Variants in IL12RB2 observed in about 807,000 individuals in gnomAD.
The protein encoded by IL12RB2 is interleukin-12 receptor subunit beta-2.
A neutral mutation model predicts 89.4 loss-of-function variants in IL12RB2; 82 were observed. The observed-to-expected ratio is 0.92, with a 90% CI of 0.77 to 1.10. IL12RB2 has a LOEUF of 1.10. IL12RB2 is among the 50% of genes least tolerant of loss of function. The pLI is 0.00. For missense variants in IL12RB2, 963 were observed against 1,031.9 expected (o/e 0.93, Z 0.92); for synonymous variants, 368 against 370.1 (o/e 0.99, Z 0.07).
intron 9 of IL12RB2, among the ~76,000 whole-genome samples, chr1:67,340,830 TA>T (rs1301012852): frequency 6.6e-6 from 1 of 152,238 alleles, no homozygotes; most frequent in Middle Eastern, 3.2e-3. Context: ...ATTTTATTTC[TA>T]TCTTCACAAG....
rs1569737694 is a variant in IL12RB2 at position 67,320,327 on chromosome 1, T to G, written c.-36-6T>G. ...TAACATGAATGAATTTGTCTTCTTTTGCAAGGAAGAATACGGAGTTCTATA... is the reference window on the plus strand; with the variant it reads ...TAACATGAATGAATTTGTCTTCTTTGGCAAGGAAGAATACGGAGTTCTATA... On this transcript the variant is annotated splice_region_variant and splice_polypyrimidine_tract_variant and intron_variant, in intron 2 of 16. Transcript: ENST00000674203. 2 of 1,613,728 alleles carry G rather than the reference T, an allele frequency of 1.2e-6. No individual in the cohort carries two copies. Among genetic ancestry groups the G allele is most frequent in the Non-Finnish European group, 8.5e-7 (1 of 1,179,788 alleles).
Position 67,328,287 on chromosome 1 carries a change from T to G in IL12RB2, c.567T>G (p.Pro189=). Residue 189 remains proline (P), a synonymous_variant, in exon 6 of 17, where the codon CCT becomes CCG. Transcript: ENST00000674203. ...TGGACTTTGGAATCAACCTCACCCC[T>G]GAATCACCTGAATCCAATTTCACAG... ...DYLDFGINLT[P]ESPESNFTAK... The G allele has an allele frequency of 6.2e-7, 1 of 1,614,138 alleles. No individual in the cohort carries two copies. The highest frequency in any genetic ancestry group is 8.5e-7 in the Non-Finnish European group (1 of 1,179,972).
At chr1:67,319,822 T>A (rs1656258759) in intron 2 of IL12RB2, among the ~76,000 whole-genome samples, 2 of 151,960 alleles carry the variant, frequency 1.3e-5, no homozygotes, top group Admixed American at 6.6e-5. Context: ...CTTTGGGAGG[T>A]GATTGGGTCA....
chr1:67,329,784 G>T, intron 7 of IL12RB2, 55 bp downstream of exon 7: 2 of 1,171,468 alleles, frequency 1.7e-6, no homozygotes, highest in Non-Finnish European at 2.6e-6. Context: ...ATATTGCTGC[G>T]CAGACCTCTG....
intron 2 of IL12RB2, among the ~76,000 whole-genome samples, chr1:67,315,536 G>A (rs779869319): frequency 5.9e-5 from 9 of 152,192 alleles, no homozygotes; most frequent in South Asian, 4.1e-4. Context: ...GAAAAACTCC[G>A]CTCCATCCTC....
chr1:67,349,777 C>A (rs1660624699), intron 9 of IL12RB2, among the ~76,000 whole-genome samples: 1 of 152,186 alleles, frequency 6.6e-6, no homozygotes, highest in South Asian at 2.1e-4. Flanking sequence ...TGGGGCCAAC[C>A]AGAAGGCTTG....
chr1:67,315,938 G>T (rs567468504), intron 2 of IL12RB2, among the ~76,000 whole-genome samples: 1 of 145,518 alleles, frequency 6.9e-6, no homozygotes, highest in East Asian at 2.0e-4. Context: ...TAGTCAATAT[G>T]TCAGAAGAGT....
At chr1:67,354,511 C>T (rs6679356) in intron 10 of IL12RB2, among the ~76,000 whole-genome samples, 114,730 of 152,006 alleles carry the variant, frequency 0.75, 44,673 homozygotes, top group East Asian at 0.95. Context: ...GCAGAGATCA[C>T]GTCAGGAGGG....
At position 67,379,509 on chromosome 1, in the gene IL12RB2, C is replaced by CAAA. The variant is rs58494224; in HGVS notation, c.1718-457_1718-455dup. 1.1e-3 allele frequency among the ~76,000 whole-genome samples: 77 copies of CAAA among 68,448 alleles called. 8 individuals are homozygous for CAAA. The highest frequency in any genetic ancestry group is 3.8e-3 in the East Asian group (8 of 2,128). The allele number at this position is 68,448 out of a possible 152,430, so 44.9% of individuals were successfully genotyped here. A position where few individuals can be genotyped will look rare whatever the true frequency, so the allele number is the denominator to read the frequency against. On this transcript the variant is annotated intron_variant, in intron 13 of 16. Transcript: ENST00000674203. Reference sequence around the variant, plus strand: ...TGGGCGACAGAGCAAGAACCTGTCTCAAAAAAAAAAAAAAAAAAAAAAGTT... The same window carrying CAAA: ...TGGGCGACAGAGCAAGAACCTGTCTCAAAAAAAAAAAAAAAAAAAAAAAAAGTT...
chr1:67,351,638 C>CAAAT (rs1569980837), intron 10 of IL12RB2, among the ~76,000 whole-genome samples: 1 of 152,084 alleles, frequency 6.6e-6, no homozygotes, highest in Non-Finnish European at 1.5e-5. Context: ...TCATCAAAAA[C>CAAAT]AAATAAATAA....
At chr1:67,395,418 GTGCCCAACA>G (rs1312564441) in intron 16 of IL12RB2, 120 bp from the exon 17 acceptor site, 60 of 1,570,502 alleles carry the variant, frequency 3.8e-5, no homozygotes, top group Non-Finnish European at 4.9e-5. Flanking sequence ...GCAAACTCCA[GTGCCCAACA>G]TGTTCCAGCC....
intron 8 of IL12RB2, among the ~76,000 whole-genome samples, chr1:67,332,698 T>G (rs1302781171): frequency 6.6e-6 from 1 of 152,210 alleles, no homozygotes; most frequent in East Asian, 1.9e-4. Context: ...AGATTTTGTT[T>G]ATATATGTGG....
At chr1:67,385,339 A>C (rs1665019009) in intron 14 of IL12RB2, among the ~76,000 whole-genome samples, 1 of 152,210 alleles carries the variant, frequency 6.6e-6, no homozygotes, top group South Asian at 2.1e-4. Flanking sequence ...AAACCATCAG[A>C]TTCTTGTGAG....
chr1:67,355,758 T>C lies in IL12RB2; in HGVS notation c.1258+4669T>C, dbSNP rs17129857. Among the ~76,000 whole-genome samples the C allele has an allele frequency of 2.7e-3, 404 of 152,270 alleles. 2 individuals are homozygous for C. Among genetic ancestry groups the C allele is most frequent in the African/African-American group, 9.4e-3 (391 of 41,546 alleles). ...AAAATGGAGATGGGAAGTTGAATGATTGAGGCTAAAGGAATAATTTTGAAA... is the reference window on the plus strand; with the variant it reads ...AAAATGGAGATGGGAAGTTGAATGACTGAGGCTAAAGGAATAATTTTGAAA... On this transcript the variant is annotated intron_variant, in intron 10 of 16. Transcript: ENST00000674203.
intron 1 of IL12RB2, among the ~76,000 whole-genome samples, chr1:67,312,182 G>A (rs1655151427): frequency 2.0e-5 from 3 of 152,146 alleles, no homozygotes; most frequent in African/African-American, 7.2e-5. Context: ...AACCAAGGAT[G>A]GTGCCCGGGG....
chr1:67,326,962 T>TATTTATTTATTTATTC, intron 5 of IL12RB2, 113 bp downstream of exon 5: 1 of 868,362 alleles, frequency 1.2e-6, no homozygotes, highest in Admixed American at 5.6e-5. Context: ...TTTATTTATT[T>TATTTATTTATTTATTC]ATTTATTTAT....
At position 67,365,612 on chromosome 1, in the gene IL12RB2, C is replaced by G. The variant is rs529461232; in HGVS notation, c.1259-2213C>G. 2.6e-5 allele frequency among the ~76,000 whole-genome samples: 4 copies of G among 152,060 alleles called. No individual in the cohort carries two copies. In the East Asian group the frequency reaches 7.7e-4, roughly 29 times the overall value. On this transcript the variant is annotated intron_variant, in intron 10 of 16. Transcript: ENST00000674203. ...AGTGTTTTCTGGTAAAGTGGCCAAG[C>G]CAGACACAGACCCATGATGATATGA...
intron 1 of IL12RB2, among the ~76,000 whole-genome samples, chr1:67,311,645 C>A (rs1655078050): frequency 6.6e-6 from 1 of 152,050 alleles, no homozygotes; most frequent in Non-Finnish European, 1.5e-5. Flanking sequence ...CAATGATATG[C>A]AGGAAAAGCA....
rs3977732 is a variant in IL12RB2 at position 67,308,095 on chromosome 1, T to TTATA, written c.-125+138_-125+141dup. Reference sequence around the variant, plus strand: ...GGGGCTTCGGCGACGGCTTCTCTCTTTATATATATATATGTATATATATAT... The same window carrying TTATA: ...GGGGCTTCGGCGACGGCTTCTCTCTTTATATATATATATATATGTATATATATAT... On this transcript the variant is annotated intron_variant, in intron 1 of 16. Transcript: ENST00000674203. The TTATA allele has an allele frequency of 5.3e-5, 8 of 150,672 alleles. 1 individual carries two copies. Among genetic ancestry groups the TTATA allele is most frequent in the South Asian group, 4.2e-4 (2 of 4,792 alleles). 9.3% of individuals were successfully genotyped at this position (150,672 alleles called of 1,614,324 possible). A position where few individuals can be genotyped will look rare whatever the true frequency, so the allele number is the denominator to read the frequency against.
Sources: allele counts gnomAD v4.1 joint callset (sites outside exome capture counted in the v4.1 genomes callset), GRCh38; gene constraint gnomAD v4.1.1; transcripts MANE v1.5; gene names NCBI Gene and HGNC (gene_info 2026-07-23, HGNC 2026-07-21).